Variants in DPP10 observed in about 807,000 individuals in gnomAD.
The protein encoded by DPP10 is inactive dipeptidyl peptidase 10.
DPP10 carries 33 observed loss-of-function variants against 120.9 expected under a neutral mutation model. The ratio of observed to expected loss-of-function variants is 0.27; its 90% CI spans 0.21 to 0.37. The LOEUF (loss-of-function observed/expected upper bound fraction) is 0.37. Among genes scored for constraint, DPP10 ranks in the 10% least tolerant of loss-of-function variants. DPP10 has a pLI of 1.00. For synonymous variants in DPP10, 337 were observed against 326.1 expected, an observed-to-expected ratio of 1.03 and a Z score of -0.36; for missense variants, 816 against 942.8, an observed-to-expected ratio of 0.87 and a Z score of 1.76.
chr2:115,474,786 G>A (rs1453776746), intron 3 of DPP10, among the ~76,000 whole-genome samples: 3 of 150,616 alleles, frequency 2.0e-5, no homozygotes, highest in Admixed American at 1.3e-4. Flanking sequence ...GCAGAAATTT[G>A]CATAAGTAAA....
At chr2:115,200,160 C>T (rs759791636) in intron 1 of DPP10, among the ~76,000 whole-genome samples, 4 of 152,248 alleles carry the variant, frequency 2.6e-5, no homozygotes, top group African/African-American at 7.2e-5. Context: ...TGCAACAAAA[C>T]GAACTGCCTT....
intron 4 of DPP10, among the ~76,000 whole-genome samples, chr2:115,515,604 AC>A (rs1461492705): frequency 2.0e-5 from 3 of 152,088 alleles, no homozygotes; most frequent in African/African-American, 7.2e-5. Context: ...TCTTAATCTA[AC>A]TGGAATTATT....
intron 1 of DPP10, among the ~76,000 whole-genome samples, chr2:114,525,595 C>T (rs796681871): frequency 1.7e-4 from 26 of 152,246 alleles, no homozygotes; most frequent in African/African-American, 2.6e-4. Context: ...TGTTCGAGAT[C>T]GAGTGAAAGA....
intron 1 of DPP10, among the ~76,000 whole-genome samples, chr2:115,307,129 A>C (rs2106009784): frequency 6.6e-6 from 1 of 152,264 alleles, no homozygotes; most frequent in Non-Finnish European, 1.5e-5. Flanking sequence ...ATTTGTGAAG[A>C]TGACACTAAT....
intron 3 of DPP10, among the ~76,000 whole-genome samples, chr2:115,388,686 A>G (rs1041634325): frequency 3.9e-5 from 6 of 152,178 alleles, no homozygotes; most frequent in African/African-American, 1.4e-4. Context: ...TTTTTCTCCT[A>G]CTAGACTATA....
At chr2:114,722,137 A>G (rs1035414109) in intron 1 of DPP10, among the ~76,000 whole-genome samples, 2 of 152,196 alleles carry the variant, frequency 1.3e-5, no homozygotes, top group African/African-American at 4.8e-5. Context: ...AGAGGGAATT[A>G]TAGGAGTAAA....
At chr2:114,553,595 G>A (rs1279683146) in intron 1 of DPP10, among the ~76,000 whole-genome samples, 2 of 152,164 alleles carry the variant, frequency 1.3e-5, no homozygotes, top group Admixed American at 1.3e-4. Context: ...TGAGAGATGA[G>A]TTAAAGTGAT....
intron 1 of DPP10, among the ~76,000 whole-genome samples, chr2:114,895,035 A>C (rs539137854): frequency 1.3e-5 from 2 of 152,296 alleles, no homozygotes; most frequent in South Asian, 4.1e-4. Flanking sequence ...TCTCATCTAC[A>C]AAAAGAGATA....
At chr2:114,618,863 G>A (rs917466642) in intron 1 of DPP10, among the ~76,000 whole-genome samples, 1 of 151,962 alleles carries the variant, frequency 6.6e-6, no homozygotes, top group Admixed American at 6.6e-5. Context: ...ACATATATAA[G>A]AGAAAGAAAG....
At chr2:115,724,664 T>C (rs1237349509) in intron 7 of DPP10, among the ~76,000 whole-genome samples, 1 of 152,194 alleles carries the variant, frequency 6.6e-6, no homozygotes, top group African/African-American at 2.4e-5. Flanking sequence ...TTTTATTTGT[T>C]GTGCTGCTTA....
chr2:115,294,442 T>A (rs2060794860), intron 1 of DPP10, among the ~76,000 whole-genome samples: 1 of 152,090 alleles, frequency 6.6e-6, no homozygotes, highest in African/African-American at 2.4e-5. Context: ...TTGTTTTTTT[T>A]TGGATTAGCT....
Position 114,542,048 on chromosome 2 carries a change from C to CTTTT in DPP10, c.60+99210_60+99211insTTTT, listed in dbSNP as rs761961981. Reference sequence around the variant, plus strand: ...TACAGTTTTTTTTCTTTCTTTCTTTCCTTTTTTTTTTTTTTTTGAGATGGA... The same window carrying CTTTT: ...TACAGTTTTTTTTCTTTCTTTCTTTCTTTTCTTTTTTTTTTTTTTTTGAGATGGA... On this transcript the variant is annotated intron_variant, in intron 1 of 25. Coordinates refer to ENST00000410059, the MANE Select transcript of DPP10 (RefSeq NM_020868.6). 6.5e-3 allele frequency among the ~76,000 whole-genome samples: 789 copies of CTTTT among 122,090 alleles called. 47 individuals carry two copies. The highest frequency in any genetic ancestry group is 0.016 in the African/African-American group (516 of 31,976). 80.1% of individuals were successfully genotyped at this position (122,090 alleles called of 152,430 possible).
chr2:115,162,644 C>T (rs1194656514), intron 1 of DPP10, among the ~76,000 whole-genome samples: 2 of 152,024 alleles, frequency 1.3e-5, no homozygotes, highest in African/African-American at 4.8e-5. Context: ...TAAGTGGAGC[C>T]GGGAAGGCGC....
chr2:114,523,354 G>T (rs185973683), intron 1 of DPP10, among the ~76,000 whole-genome samples: 1 of 152,246 alleles, frequency 6.6e-6, no homozygotes. Context: ...TTCCATGCTG[G>T]GTAATTCCCT....
intron 3 of DPP10, among the ~76,000 whole-genome samples, chr2:115,422,662 T>C (rs928573893): frequency 3.3e-5 from 5 of 152,200 alleles, no homozygotes; most frequent in African/African-American, 1.2e-4. Context: ...AATATGATTT[T>C]AGTCCTTTAA....
At chr2:115,173,416 A>G (rs2105078747) in intron 1 of DPP10, among the ~76,000 whole-genome samples, 1 of 152,294 alleles carries the variant, frequency 6.6e-6, no homozygotes, top group Non-Finnish European at 1.5e-5. Context: ...CAAGCCCATA[A>G]TTGTTATGTA....
chr2:115,009,565 A>G lies in DPP10; in HGVS notation c.61-299674A>G, dbSNP rs567778015. ...GCACAATGTGCACATGTACCCTAAAACTTAAAGTATAATAATAAAAGAAAA... is the reference window on the plus strand; with the variant it reads ...GCACAATGTGCACATGTACCCTAAAGCTTAAAGTATAATAATAAAAGAAAA... On this transcript the variant is annotated intron_variant, in intron 1 of 25. Coordinates refer to ENST00000410059, the MANE Select transcript of DPP10 (RefSeq NM_020868.6). 1.3e-4 allele frequency among the ~76,000 whole-genome samples: 19 copies of G among 151,706 alleles called. No homozygotes were observed. The South Asian group carries it at 3.9e-3, about 32-fold the overall frequency.
rs898471912 is a variant in DPP10 at position 115,042,840 on chromosome 2, T to G, written c.61-266399T>G. Among the ~76,000 whole-genome samples the G allele has an allele frequency of 3.9e-5, 6 of 152,228 alleles. No homozygotes were observed. In the South Asian group the frequency reaches 6.2e-4, roughly 16 times the overall value. On this transcript the variant is annotated intron_variant, in intron 1 of 25. Coordinates refer to ENST00000410059, the MANE Select transcript of DPP10 (RefSeq NM_020868.6). ...TAGCAGTATTCCTCTTCCCACCTCA[T>G]AGTGTATACTTGTATATCATTTTGA...
intron 5 of DPP10, among the ~76,000 whole-genome samples, chr2:115,553,543 T>C (rs1019746998): frequency 2.6e-5 from 4 of 152,058 alleles, no homozygotes; most frequent in African/African-American, 9.7e-5. Context: ...TAAAATATTC[T>C]GATTATTGAG....
Sources: gnomAD v4.1 joint callset for allele counts (sites outside exome capture counted in the v4.1 genomes callset) on GRCh38, gnomAD v4.1.1 for gene constraint, MANE v1.5 for transcripts, NCBI Gene and HGNC (gene_info 2026-07-23, HGNC 2026-07-21) for gene names.